NUP98: variants seen among roughly 807,000 people sequenced by gnomAD.
NUP98 encodes nucleoporin 98 and 96 precursor.
In NUP98, 26 loss-of-function variants were observed where a neutral mutation model predicts 191.9. The ratio of observed to expected loss-of-function variants is 0.14; its 90% CI spans 0.10 to 0.19. The LOEUF (loss-of-function observed/expected upper bound fraction) is 0.19, where lower values mean the gene tolerates loss of function less well. Ranked by LOEUF, NUP98 falls within the 10% of genes least tolerant of loss-of-function variation. NUP98 has a pLI of 1.00. For synonymous variants in NUP98, 808 were observed against 778.4 expected (o/e 1.04, Z -0.63); for missense variants, 1,941 against 2,178.8 (o/e 0.89, Z 2.17).
At position 3,676,393 on chromosome 11, in the gene NUP98, G is replaced by C. The variant is rs755967324; in HGVS notation, c.5186-17C>G. On this transcript the variant is annotated splice_polypyrimidine_tract_variant and intron_variant, in intron 32 of 32. Coordinates refer to ENST00000324932, the MANE Select transcript of NUP98 (RefSeq NM_016320.5). Reference sequence around the variant, plus strand: ...TGGCCATGTCTAGAGAGAAAAACTAGAGTCAAGCACTGAGCATGGGGTCTG... The same window carrying C: ...TGGCCATGTCTAGAGAGAAAAACTACAGTCAAGCACTGAGCATGGGGTCTG... The C allele has an allele frequency of 1.1e-5, 17 of 1,613,754 alleles. No homozygotes were observed. The highest frequency in any genetic ancestry group is 1.4e-5 in the Non-Finnish European group (17 of 1,179,692).
At chr11:3,728,502 G>A (rs1228090130) in intron 14 of NUP98, among the ~76,000 whole-genome samples, 5 of 152,214 alleles carry the variant, frequency 3.3e-5, no homozygotes, top group Non-Finnish European at 4.4e-5. Flanking sequence ...TTGGAAGGCC[G>A]AGGCAGGCAG....
intron 27 of NUP98, among the ~76,000 whole-genome samples, chr11:3,691,710 C>T (rs1435276349): frequency 2.0e-5 from 3 of 152,250 alleles, no homozygotes; most frequent in East Asian, 3.9e-4. Flanking sequence ...CACACCACCA[C>T]ACCCGGCTAA....
In NUP98 at chr11:3,735,178, T is replaced by C; in HGVS notation, c.1542+13A>G. On this transcript the variant is annotated intron_variant, in intron 13 of 32. Transcript: ENST00000324932. ...TTTGATATGATATTTTACAGAAGTA[T>C]CCTTAAATTTACCTCTTCCTTCTTC... 1.3e-6 allele frequency: 2 copies of C among 1,571,860 alleles called. No individual in the cohort carries two copies. The highest frequency in any genetic ancestry group is 1.2e-5 in the South Asian group (1 of 83,802).
chr11:3,693,572 C>T (rs924198169), intron 26 of NUP98, among the ~76,000 whole-genome samples, 197 bp from the exon 27 acceptor site: 4 of 152,122 alleles, frequency 2.6e-5, no homozygotes, highest in African/African-American at 9.7e-5. Context: ...ACTGATTGAT[C>T]GATTGATACA....
chr11:3,792,320 A>G (rs980688708), intron 1 of NUP98, among the ~76,000 whole-genome samples: 13 of 152,106 alleles, frequency 8.5e-5, no homozygotes, highest in Admixed American at 2.6e-4. Context: ...AACATCTGGA[A>G]TATCTGGGCC....
intron 10 of NUP98, among the ~76,000 whole-genome samples, chr11:3,759,291 G>C (rs949191567): frequency 6.6e-6 from 1 of 152,172 alleles, no homozygotes; most frequent in Admixed American, 6.6e-5. Flanking sequence ...TAATTAGGTA[G>C]TTATAAGATA....
intron 19 of NUP98, among the ~76,000 whole-genome samples, chr11:3,713,363 A>G (rs950692054): frequency 2.0e-5 from 3 of 152,232 alleles, no homozygotes; most frequent in African/African-American, 7.2e-5. Flanking sequence ...AATTTTAACT[A>G]GGTTTGTAGT....
At position 3,764,503 on chromosome 11, in the gene NUP98, C is replaced by A. The variant is rs556123993; in HGVS notation, c.949-1464G>T. Among the ~76,000 whole-genome samples, 9 of 152,294 alleles carry A rather than the reference C, an allele frequency of 5.9e-5. No individual in the cohort carries two copies. In the South Asian group the frequency reaches 8.3e-4, roughly 14 times the overall value. On this transcript the variant is annotated intron_variant, in intron 8 of 32. Coordinates refer to ENST00000324932, the MANE Select transcript of NUP98 (RefSeq NM_016320.5). ...TAACTCTGTTTAACATTTTGAGGAA[C>A]CACCAAACTGTTTTCTAAAGGGGCT...
rs755816362 is a variant in NUP98 at position 3,729,715 on chromosome 11, C to CAAAAAAAAAAAAAAAAAAAAA, written c.1730+1655_1730+1675dup. On this transcript the variant is annotated intron_variant, in intron 14 of 32. Coordinates refer to ENST00000324932, the MANE Select transcript of NUP98 (RefSeq NM_016320.5). The stretch of plus-strand genomic sequence containing the variant: ...GGGCAATGGCATAAGACTCTTGCCT[C>CAAAAAAAAAAAAAAAAAAAAA]AAAAAAAAAAAAAAAAAAAAAAAAA... Among the ~76,000 whole-genome samples the CAAAAAAAAAAAAAAAAAAAAA allele has an allele frequency of 2.3e-3, 85 of 37,408 alleles. 9 individuals are homozygous for CAAAAAAAAAAAAAAAAAAAAA. The highest frequency in any genetic ancestry group is 3.2e-3 in the Non-Finnish European group (60 of 18,648). The allele number at this position is 37,408 out of a possible 152,430, so 24.5% of individuals were successfully genotyped here.
intron 25 of NUP98, among the ~76,000 whole-genome samples, chr11:3,698,470 G>A (rs1386295622): frequency 1.3e-5 from 2 of 151,930 alleles, no homozygotes; most frequent in Non-Finnish European, 2.9e-5. Flanking sequence ...GCTCACACCT[G>A]TAATTCCAGC....
At chr11:3,796,484 T>C (rs145905761) in intron 1 of NUP98, among the ~76,000 whole-genome samples, 24 of 152,362 alleles carry the variant, frequency 1.6e-4, no homozygotes, top group African/African-American at 5.5e-4. Flanking sequence ...ATCTTCTAAG[T>C]TTAGTTCTCA....
At chr11:3,776,217 G>C (rs1468469514) in intron 4 of NUP98, among the ~76,000 whole-genome samples, 196 bp from the exon 5 acceptor site, 1 of 150,770 alleles carries the variant, frequency 6.6e-6, no homozygotes, top group Non-Finnish European at 1.5e-5. Context: ...GACCTCACAG[G>C]CTCAAGCAAT....
intron 1 of NUP98, among the ~76,000 whole-genome samples, chr11:3,787,135 A>G (rs1416324098): frequency 6.6e-6 from 1 of 152,216 alleles, no homozygotes; most frequent in Non-Finnish European, 1.5e-5. Context: ...AGGGCTGGGA[A>G]ACGAGGCTGG....
chr11:3,703,563 A>G (rs2078773897), intron 22 of NUP98, among the ~76,000 whole-genome samples: 1 of 152,120 alleles, frequency 6.6e-6, no homozygotes, highest in Non-Finnish European at 1.5e-5. Context: ...TATTGTATAT[A>G]TGAGAAAACT....
intron 1 of NUP98, among the ~76,000 whole-genome samples, chr11:3,783,645 G>A (rs940742899): frequency 3.3e-5 from 5 of 152,202 alleles, no homozygotes; most frequent in African/African-American, 1.2e-4. Context: ...GTTGCAGTGA[G>A]CTGAGATCGC....
intron 17 of NUP98, among the ~76,000 whole-genome samples, chr11:3,720,258 A>C (rs1169374187): frequency 1.3e-5 from 2 of 152,234 alleles, no homozygotes; most frequent in Non-Finnish European, 2.9e-5. Flanking sequence ...TAATAACATG[A>C]AGTTCATGCT....
At chr11:3,765,564 C>CT in intron 8 of NUP98, among the ~76,000 whole-genome samples, 1 of 152,220 alleles carries the variant, frequency 6.6e-6, no homozygotes, top group South Asian at 2.1e-4. Context: ...CTTTGAGAGG[C>CT]TGAGGCAGTC....
chr11:3,736,923 G>A lies in NUP98; in HGVS notation c.1409-1599C>T, dbSNP rs572750556. ...ACATAATATAAACTGAAAGAAAAAA[G>A]AAATCACTAAGCCTAATTTTTTCTC... On this transcript the variant is annotated intron_variant, in intron 12 of 32. Coordinates refer to ENST00000324932, the MANE Select transcript of NUP98 (RefSeq NM_016320.5). Among the ~76,000 whole-genome samples, 378 of 152,112 alleles carry A rather than the reference G, an allele frequency of 2.5e-3. 3 individuals carry two copies. The highest frequency in any genetic ancestry group is 8.8e-3 in the African/African-American group (366 of 41,512).
Position 3,683,246 on chromosome 11 carries a change from C to G in NUP98, c.4872G>C (p.Glu1624Asp). 6.2e-7 allele frequency: 1 copy of G among 1,614,142 alleles called. No individual in the cohort carries two copies. Among genetic ancestry groups the G allele is most frequent in the Non-Finnish European group, 8.5e-7 (1 of 1,180,036 alleles). Residue 1624 changes from glutamate to aspartate, a missense_variant, in exon 30 of 33, where the codon GAG becomes GAC. Transcript: ENST00000324932. Reference sequence around the variant, plus strand: ...TGAGCTTGTGGCAGCGGTTCCAGTGCTCAGCCTTAAATAAGCAAAGGGCCT... The same window carrying G: ...TGAGCTTGTGGCAGCGGTTCCAGTGGTCAGCCTTAAATAAGCAAAGGGCCT... ...HLEALCLFKA[E>D]HWNRCHKLII...
Sources: gnomAD v4.1 joint callset for allele counts (sites outside exome capture counted in the v4.1 genomes callset) on GRCh38, gnomAD v4.1.1 for gene constraint, MANE v1.5 for transcripts, NCBI Gene and HGNC (gene_info 2026-07-23, HGNC 2026-07-21) for gene names.